MAGI1: variants seen among roughly 807,000 people sequenced by gnomAD.
The protein encoded by MAGI1 is membrane-associated guanylate kinase, WW and PDZ domain-containing protein 1.
A neutral mutation model predicts 139.9 loss-of-function variants in MAGI1; 58 were observed. That is an observed-to-expected ratio of 0.41 (90% CI 0.34 to 0.52). MAGI1 has a LOEUF of 0.52. Ranked by LOEUF, MAGI1 falls within the 20% of genes least tolerant of loss-of-function variation. The pLI, the probability that MAGI1 is intolerant of heterozygous loss-of-function variation, is 0.12. For synonymous variants in MAGI1, 812 were observed against 737.9 expected (o/e 1.10, Z -1.63); for missense variants, 1,874 against 1,901.6 (o/e 0.99, Z 0.27).
In MAGI1 at chr3:66,016,993, G is replaced by A. The variant is rs568807764; in HGVS notation, c.313+21003C>T. The stretch of plus-strand genomic sequence containing the variant: ...AGGTCACCAGGGGCCAGGGGAAAGG[G>A]GAATGGGGAGTTGGTAATAGGCACA... On this transcript the variant is annotated intron_variant, in intron 1 of 22. Transcript: ENST00000402939. 3.3e-5 allele frequency among the ~76,000 whole-genome samples: 5 copies of A among 152,284 alleles called. No homozygotes were observed. The South Asian group carries it at 1.0e-3, about 32-fold the overall frequency.
intron 1 of MAGI1, among the ~76,000 whole-genome samples, chr3:65,778,737 A>G (rs1246223889): frequency 6.6e-6 from 1 of 152,224 alleles, no homozygotes; most frequent in Non-Finnish European, 1.5e-5. Context: ...ACAGAAAAAT[A>G]CTAAGATGAC....
At chr3:65,494,511 T>C (rs11131030) in intron 2 of MAGI1, among the ~76,000 whole-genome samples, 83,863 of 152,022 alleles carry the variant, frequency 0.55, 23,693 homozygotes, top group East Asian at 0.76. Context: ...GTACCCTGTA[T>C]TAGGAGCCTA....
chr3:65,878,560 CAAAATAAAGAA>C (rs1471692282), intron 1 of MAGI1, among the ~76,000 whole-genome samples: 1 of 149,318 alleles, frequency 6.7e-6, no homozygotes, highest in African/African-American at 2.5e-5. Flanking sequence ...TTTTATTTGC[CAAAATAAAGAA>C]AAAATAAATT....
intron 13 of MAGI1, among the ~76,000 whole-genome samples, chr3:65,394,407 G>A (rs181224622): frequency 1.4e-4 from 21 of 152,248 alleles, no homozygotes; most frequent in Non-Finnish European, 2.9e-4. Flanking sequence ...GAAAATAAAA[G>A]TAAAGGAGCA....
chr3:66,031,142 G>A (rs1276072236), intron 1 of MAGI1, among the ~76,000 whole-genome samples: 1 of 152,196 alleles, frequency 6.6e-6, no homozygotes, highest in Non-Finnish European at 1.5e-5. Flanking sequence ...CAAAAAGACA[G>A]GCAGGCATGC....
intron 1 of MAGI1, among the ~76,000 whole-genome samples, chr3:66,026,706 T>C (rs1313801560): frequency 6.6e-6 from 1 of 151,956 alleles, no homozygotes; most frequent in Non-Finnish European, 1.5e-5. Context: ...TGGACAGTGT[T>C]GGTGAGACTG....
At chr3:65,359,135 T>TATTAGGAGGTATC in intron 22 of MAGI1, 1 of 1,613,710 alleles carries the variant, frequency 6.2e-7, no homozygotes. Flanking sequence ...CATGCAGCGA[T>TATTAGGAGGTATC]ATTAGGAGGT....
intron 2 of MAGI1, among the ~76,000 whole-genome samples, chr3:65,593,887 A>G (rs2106769746): frequency 6.6e-6 from 1 of 152,310 alleles, no homozygotes; most frequent in South Asian, 2.1e-4. Flanking sequence ...TAAAAGAAAT[A>G]TGTTTTTTTC....
At chr3:65,656,020 T>C (rs1224247636) in intron 1 of MAGI1, among the ~76,000 whole-genome samples, 2 of 152,308 alleles carry the variant, frequency 1.3e-5, no homozygotes, top group South Asian at 2.1e-4. Context: ...TGTCAGACAT[T>C]AGTGCTGTCT....
At chr3:65,821,672 C>T (rs1174751943) in intron 1 of MAGI1, among the ~76,000 whole-genome samples, 1 of 152,138 alleles carries the variant, frequency 6.6e-6, no homozygotes, top group East Asian at 1.9e-4. Context: ...GAAATCACTC[C>T]GAACCTACAG....
intron 1 of MAGI1, among the ~76,000 whole-genome samples, chr3:65,838,698 G>T (rs1255388184): frequency 6.6e-6 from 1 of 152,208 alleles, no homozygotes; most frequent in Non-Finnish European, 1.5e-5. Flanking sequence ...ATCATGTACA[G>T]GTTTTTGTGT....
Position 65,644,865 on chromosome 3 carries a change from C to T in MAGI1, c.314-22777G>A, listed in dbSNP as rs180693875. 3.5e-3 allele frequency among the ~76,000 whole-genome samples: 529 copies of T among 151,892 alleles called. 7 individuals carry two copies. Among genetic ancestry groups the T allele is most frequent in the African/African-American group, 0.012 (493 of 41,474 alleles). Reference sequence around the variant, plus strand: ...TACAAAAATTAGGCTGGCATGGTGACGCACACCTATAATCCCAGTTATTTG... The same window carrying T: ...TACAAAAATTAGGCTGGCATGGTGATGCACACCTATAATCCCAGTTATTTG... On this transcript the variant is annotated intron_variant, in intron 1 of 22. Transcript: ENST00000402939.
At chr3:65,859,452 G>C (rs1179228216) in intron 1 of MAGI1, among the ~76,000 whole-genome samples, 2 of 152,132 alleles carry the variant, frequency 1.3e-5, no homozygotes, top group Non-Finnish European at 2.9e-5. Flanking sequence ...AGCAGGGCTG[G>C]GCATGGTGGC....
At position 65,437,172 on chromosome 3, in the gene MAGI1, C is replaced by G; in HGVS notation, c.1346G>C (p.Arg449Thr). 6.2e-7 allele frequency: 1 copy of G among 1,608,014 alleles called. No homozygotes were observed. The highest frequency in any genetic ancestry group is 1.7e-5 in the Admixed American group (1 of 59,914). ...TACTTTACCCTGAAGTGGAACTTCT[C>G]TGGCTGGCTCTGGATTGCTTGGAGG... ...NHPPSNPEPAREVPLQGKPFF... is the reference protein window; with the variant it reads ...NHPPSNPEPATEVPLQGKPFF... Residue 449 changes from arginine to threonine, a missense_variant, in exon 10 of 23, where the codon AGA becomes ACA. Transcript: ENST00000402939.
rs1030069800 is a variant in MAGI1, at chr3:65,353,814, C to T, written c.*2564G>A. The stretch of plus-strand genomic sequence containing the variant: ...AGAATCAGTTTCCAATTTAAGGTTA[C>T]AGCAGTTCAAAGAAAACTATATCTT... On this transcript the variant is annotated 3_prime_UTR_variant, in exon 23 of 23. Coordinates refer to ENST00000402939, the MANE Select transcript of MAGI1 (RefSeq NM_001033057.2). 3.9e-5 allele frequency: 6 copies of T among 152,150 alleles called. No individual in the cohort carries two copies. Among genetic ancestry groups the T allele is most frequent in the African/African-American group, 1.4e-4 (6 of 41,416 alleles). 9.4% of individuals were successfully genotyped at this position (152,150 alleles called of 1,614,324 possible).
At chr3:65,753,349 C>T (rs1226233942) in intron 1 of MAGI1, among the ~76,000 whole-genome samples, 1 of 152,150 alleles carries the variant, frequency 6.6e-6, no homozygotes, top group Non-Finnish European at 1.5e-5. Context: ...GAAGCACTCT[C>T]CTGCATATTA....
intron 13 of MAGI1, among the ~76,000 whole-genome samples, chr3:65,400,216 C>G (rs1017132926): frequency 3.3e-5 from 5 of 152,178 alleles, no homozygotes; most frequent in African/African-American, 1.2e-4. Context: ...TTAACACACA[C>G]TGACAAGGAA....
intron 2 of MAGI1, among the ~76,000 whole-genome samples, chr3:65,509,774 G>C (rs1052158026): frequency 2.0e-4 from 30 of 151,968 alleles, no homozygotes; most frequent in African/African-American, 6.5e-4. Context: ...CAAAGCAGCT[G>C]GGAAGCTCGA....
intron 1 of MAGI1, among the ~76,000 whole-genome samples, chr3:65,961,470 G>A (rs943211028): frequency 6.6e-6 from 1 of 152,164 alleles, no homozygotes; most frequent in African/African-American, 2.4e-5. Context: ...GTATAATAAA[G>A]AGTCCTCATG....
Sources: gnomAD v4.1 joint callset for allele counts (sites outside exome capture counted in the v4.1 genomes callset) on GRCh38, gnomAD v4.1.1 for gene constraint, MANE v1.5 for transcripts, NCBI Gene and HGNC (gene_info 2026-07-23, HGNC 2026-07-21) for gene names.